SLC35A1: variants seen among roughly 807,000 people sequenced by gnomAD.
SLC35A1 encodes solute carrier family 35 member A1.
In SLC35A1, 21 loss-of-function variants were observed where a neutral mutation model predicts 40.3. The observed-to-expected ratio is 0.52, with a 90% CI of 0.37 to 0.75. SLC35A1 has a LOEUF of 0.75. Among genes scored for constraint, SLC35A1 ranks in the 30% least tolerant of loss-of-function variants. SLC35A1 has a pLI of 0.00. For synonymous variants in SLC35A1, 146 were observed against 147.3 expected, an observed-to-expected ratio of 0.99 and a Z score of 0.06; for missense variants, 297 against 382.1, an observed-to-expected ratio of 0.78 and a Z score of 1.86.
intron 2 of SLC35A1, among the ~76,000 whole-genome samples, chr6:87,481,132 C>G (rs548027474): frequency 8.5e-5 from 13 of 152,152 alleles, no homozygotes; most frequent in Middle Eastern, 3.4e-3. Flanking sequence ...TTGGGGACAC[C>G]AGGCTGGGCG....
intron 2 of SLC35A1, among the ~76,000 whole-genome samples, chr6:87,485,545 C>A (rs1394633665): frequency 6.6e-6 from 1 of 152,072 alleles, no homozygotes; most frequent in Non-Finnish European, 1.5e-5. Flanking sequence ...AGGAGGATTT[C>A]TTGAGCCCAG....
intron 2 of SLC35A1, among the ~76,000 whole-genome samples, chr6:87,481,070 G>C (rs1769228939): frequency 6.6e-6 from 1 of 152,154 alleles, no homozygotes; most frequent in Non-Finnish European, 1.5e-5. Flanking sequence ...AAAGGAAAGT[G>C]GAAGATAAAC....
At chr6:87,479,586 G>C (rs189759095) in intron 2 of SLC35A1, among the ~76,000 whole-genome samples, 2 of 152,306 alleles carry the variant, frequency 1.3e-5, no homozygotes, top group Admixed American at 1.3e-4. Context: ...TGTTGTTTGG[G>C]ATGAAGGCAC....
chr6:87,501,508 A>G (rs1176800268), intron 4 of SLC35A1, among the ~76,000 whole-genome samples, 198 bp downstream of exon 4: 1 of 152,226 alleles, frequency 6.6e-6, no homozygotes. Context: ...AGAGGAGAAT[A>G]TGCATAAAAT....
intron 4 of SLC35A1, among the ~76,000 whole-genome samples, chr6:87,504,519 T>C (rs1770021137): frequency 6.6e-6 from 1 of 152,204 alleles, no homozygotes; most frequent in African/African-American, 2.4e-5. Context: ...TAACTCTTAA[T>C]CTCTCTTGAA....
At chr6:87,474,165 G>T (rs935176717) in intron 1 of SLC35A1, among the ~76,000 whole-genome samples, 1 of 152,236 alleles carries the variant, frequency 6.6e-6, no homozygotes, top group East Asian at 1.9e-4. Flanking sequence ...AATTACAGAA[G>T]TCAAATCATT....
intron 7 of SLC35A1, among the ~76,000 whole-genome samples, chr6:87,510,883 A>G (rs1045724167): frequency 6.6e-6 from 1 of 151,912 alleles, no homozygotes; most frequent in Non-Finnish European, 1.5e-5. Flanking sequence ...AAAAAAAAAA[A>G]GATGAAAAAA....
At chr6:87,477,818 G>A (rs1039414976) in intron 2 of SLC35A1, among the ~76,000 whole-genome samples, 1 of 152,184 alleles carries the variant, frequency 6.6e-6, no homozygotes, top group Non-Finnish European at 1.5e-5. Context: ...GTACTGCTGA[G>A]GTTGAAGAAC....
rs188216651 is a variant in SLC35A1, at chr6:87,508,564, A to G, written c.719A>G (p.Tyr240Cys). The G allele has an allele frequency of 7.6e-5, 123 of 1,612,868 alleles. No homozygotes were observed. Among genetic ancestry groups the G allele is most frequent in the East Asian group, 2.7e-4 (12 of 44,772 alleles). The part of the protein sequence containing the change: ...GAEIKEKGFF[Y>C]GYTYYVWFVI... ...GAAATTAAAGAAAAAGGATTTTTCT[A>G]TGGTTACACATATTATGTCTGGTTT... The change falls in exon 6 of 8, where the codon TAT becomes TGT. Residue 240 changes from tyrosine (Y) to cysteine (C), a missense_variant. By Grantham distance (194) the Tyr-to-Cys change is radical. Coordinates refer to ENST00000369552, the MANE Select transcript of SLC35A1 (RefSeq NM_006416.5).
At position 87,501,145 on chromosome 6, in the gene SLC35A1, CTCT is replaced by C. The variant is rs1562025037; in HGVS notation, c.355-11_355-9del. The C allele has an allele frequency of 6.9e-6, 11 of 1,601,078 alleles. No homozygotes were observed. The highest frequency in any genetic ancestry group is 9.4e-6 in the Non-Finnish European group (11 of 1,168,190). Reference sequence around the variant, plus strand: ...CATTAACTGAATTTATTAATTCATTCTCTTTTTTTTAGGTGACCTACCAGTTGA... The same window carrying C: ...CATTAACTGAATTTATTAATTCATTCTTTTTTTAGGTGACCTACCAGTTGA... On this transcript the variant is annotated splice_polypyrimidine_tract_variant and intron_variant, in intron 3 of 7. Coordinates refer to ENST00000369552, the MANE Select transcript of SLC35A1 (RefSeq NM_006416.5).
At chr6:87,495,288 C>T (rs997653328) in intron 2 of SLC35A1, among the ~76,000 whole-genome samples, 3 of 152,220 alleles carry the variant, frequency 2.0e-5, no homozygotes, top group African/African-American at 7.2e-5. Flanking sequence ...TGCTATTCAC[C>T]ATAGTTTATA....
chr6:87,484,300 G>C (rs1769331696), intron 2 of SLC35A1, among the ~76,000 whole-genome samples: 1 of 152,206 alleles, frequency 6.6e-6, no homozygotes, highest in Admixed American at 6.5e-5. Context: ...TGTAATCCCA[G>C]ATGAGCCCCT....
intron 2 of SLC35A1, among the ~76,000 whole-genome samples, chr6:87,481,226 G>T (rs1769233766): frequency 1.3e-5 from 2 of 152,094 alleles, no homozygotes. Context: ...AGACCAGCCT[G>T]GCCAACATGG....
At chr6:87,481,824 T>C (rs1769253420) in intron 2 of SLC35A1, among the ~76,000 whole-genome samples, 1 of 152,216 alleles carries the variant, frequency 6.6e-6, no homozygotes, top group African/African-American at 2.4e-5. Flanking sequence ...AAAAACTGGA[T>C]GATACCCCTT....
chr6:87,476,292 T>C (rs575529439), intron 1 of SLC35A1, among the ~76,000 whole-genome samples: 3 of 152,372 alleles, frequency 2.0e-5, no homozygotes, highest in Admixed American at 6.5e-5. Flanking sequence ...TAAGTTCTTA[T>C]TGTGAAAAAG....
chr6:87,486,426 C>T (rs1769391748), intron 2 of SLC35A1, among the ~76,000 whole-genome samples: 1 of 152,130 alleles, frequency 6.6e-6, no homozygotes, highest in South Asian at 2.1e-4. Context: ...CAGGTTCACG[C>T]ATTCATTTAT....
intron 6 of SLC35A1, 53 bp from the exon 7 acceptor site, chr6:87,508,988 T>A: frequency 6.3e-7 from 1 of 1,594,090 alleles, no homozygotes; most frequent in South Asian, 1.1e-5. Context: ...CTCACCATTA[T>A]GTAATGTTTC....
chr6:87,510,178 G>T (rs557011846), intron 7 of SLC35A1, among the ~76,000 whole-genome samples: 1 of 152,126 alleles, frequency 6.6e-6, no homozygotes, highest in Non-Finnish European at 1.5e-5. Flanking sequence ...GAAGTGCTTA[G>T]AGTAGTGTTT....
chr6:87,499,786 TTTA>T (rs543852791), intron 2 of SLC35A1, among the ~76,000 whole-genome samples: 1,825 of 152,308 alleles, frequency 0.012, 27 homozygotes, highest in Non-Finnish European at 0.018. Context: ...CCAAAGCCTT[TTTA>T]TTTGCAATTA....
Sources: gnomAD v4.1 joint callset for allele counts (sites outside exome capture counted in the v4.1 genomes callset) on GRCh38, gnomAD v4.1.1 for gene constraint, MANE v1.5 for transcripts, NCBI Gene and HGNC (gene_info 2026-07-23, HGNC 2026-07-21) for gene names.